The following PCSK5 variants were observed in gnomAD, a reference collection of about 807,000 sequenced individuals.
PCSK5 encodes proprotein convertase subtilisin/kexin type 5, also known as prohormone convertase 5.
Under a neutral mutation model 233.2 loss-of-function variants are expected in PCSK5, and 129 were observed. The ratio of observed to expected loss-of-function variants is 0.55; its 90% CI spans 0.48 to 0.64. PCSK5 has a LOEUF of 0.64. PCSK5 is among the 30% of genes least tolerant of loss of function. PCSK5 has a pLI of 0.00. For synonymous variants in PCSK5, 825 were observed against 879.2 expected, an observed-to-expected ratio of 0.94 and a Z score of 1.09; for missense variants, 2,076 against 2,430.1, an observed-to-expected ratio of 0.85 and a Z score of 3.06.
chr9:76,171,495 C>T (rs1293690402), intron 13 of PCSK5, among the ~76,000 whole-genome samples: 1 of 152,216 alleles, frequency 6.6e-6, no homozygotes, highest in African/African-American at 2.4e-5. Context: ...TACCACCAGA[C>T]ACCAGAAATT....
At chr9:76,276,581 C>A (rs765950207) in intron 24 of PCSK5, among the ~76,000 whole-genome samples, 1 of 152,148 alleles carries the variant, frequency 6.6e-6, no homozygotes, top group Non-Finnish European at 1.5e-5. Flanking sequence ...CTTTCCCTGG[C>A]CTCTGTCTGG....
chr9:76,239,118 T>G lies in PCSK5; in HGVS notation c.3026T>G (p.Phe1009Cys). 1 of 1,601,486 alleles carries G rather than the reference T, an allele frequency of 6.2e-7. No individual in the cohort carries two copies. The highest frequency in any genetic ancestry group is 1.1e-5 in the South Asian group (1 of 88,906). Reference sequence around the variant, plus strand: ...TGCACAAGATGCATGAAGGGCTACTTCATAGCGCCCACCAACCACACATGC... The same window carrying G: ...TGCACAAGATGCATGAAGGGCTACTGCATAGCGCCCACCAACCACACATGC... ...HVCTRCMKGY[F>C]IAPTNHTCQK... The change falls in exon 23 of 38, where the codon TTC becomes TGC. Residue 1009 changes from phenylalanine (F) to cysteine (C), a missense_variant. This residue lies in a region of PCSK5 where 1,510 missense variants were observed against 1,538.1 expected (regional missense o/e 0.98). Transcript: ENST00000674117.
chr9:76,318,510 T>G (rs1829096733), intron 30 of PCSK5, among the ~76,000 whole-genome samples: 1 of 152,032 alleles, frequency 6.6e-6, no homozygotes, highest in Non-Finnish European at 1.5e-5. Context: ...CATCTATCCA[T>G]CCCTCATCTC....
At chr9:76,121,260 C>T (rs1389710577) in intron 9 of PCSK5, among the ~76,000 whole-genome samples, 1 of 151,802 alleles carries the variant, frequency 6.6e-6, no homozygotes, top group African/African-American at 2.4e-5. Context: ...TATAGTTTCT[C>T]ATACTAGATT....
At chr9:76,304,537 A>G (rs969598323) in intron 28 of PCSK5, among the ~76,000 whole-genome samples, 2 of 152,150 alleles carry the variant, frequency 1.3e-5, no homozygotes, top group African/African-American at 4.8e-5. Context: ...CTGCGCCCCT[A>G]TGTTAAGCAC....
In PCSK5 at chr9:76,079,359, G is replaced by A. The variant is rs183972135; in HGVS notation, c.894+7461G>A. On this transcript the variant is annotated intron_variant, in intron 7 of 37. Coordinates refer to ENST00000674117, the MANE Select transcript of PCSK5 (RefSeq NM_001372043.1). ...TCACCATGTTGGCCGGGTTGGTCTCGAACTGCTGACCTCAGGTGATCTGCC... is the reference window on the plus strand; with the variant it reads ...TCACCATGTTGGCCGGGTTGGTCTCAAACTGCTGACCTCAGGTGATCTGCC... Among the ~76,000 whole-genome samples the A allele has an allele frequency of 8.8e-3, 1,344 of 152,008 alleles. 11 individuals carry two copies. Among genetic ancestry groups the A allele is most frequent in the South Asian group, 0.018 (88 of 4,800 alleles).
rs180833606 is a variant in PCSK5, at chr9:76,181,735, C to T, written c.2197+144C>T. The T allele has an allele frequency of 2.3e-4, 136 of 588,254 alleles. No individual in the cohort carries two copies. In the African/African-American group the frequency reaches 2.5e-3, roughly 11 times the overall value. The allele number at this position is 588,254 out of a possible 1,614,324, so 36.4% of individuals were successfully genotyped here. A position where few individuals can be genotyped will look rare whatever the true frequency, so the allele number is the denominator to read the frequency against. On this transcript the variant is annotated intron_variant, in intron 16 of 37. Coordinates refer to ENST00000674117, the MANE Select transcript of PCSK5 (RefSeq NM_001372043.1). The stretch of plus-strand genomic sequence containing the variant: ...CTAGTTCATTCATTTTAAGAGAACC[C>T]TTTAGAAGCTTCATGTAAAAATGCT...
chr9:76,009,632 A>AC (rs1827641417), intron 3 of PCSK5, among the ~76,000 whole-genome samples: 1 of 151,704 alleles, frequency 6.6e-6, no homozygotes, highest in Non-Finnish European at 1.5e-5. Flanking sequence ...TCTCAAGGAA[A>AC]AAAAAAAAAA....
intron 24 of PCSK5, chr9:76,286,869 A>C (rs1317563949): frequency 9.8e-6 from 2 of 204,224 alleles, no homozygotes; most frequent in Non-Finnish European, 1.9e-5. Flanking sequence ...CCCATTTTAC[A>C]CTTAGTCTGC....
intron 4 of PCSK5, among the ~76,000 whole-genome samples, chr9:76,026,310 T>C (rs1429225008): frequency 6.6e-6 from 1 of 152,192 alleles, no homozygotes; most frequent in Non-Finnish European, 1.5e-5. Flanking sequence ...AGGAAAACTG[T>C]TCATTATTTT....
chr9:76,062,260 T>A (rs538419342), intron 5 of PCSK5, among the ~76,000 whole-genome samples: 1 of 151,380 alleles, frequency 6.6e-6, no homozygotes, highest in East Asian at 1.9e-4. Context: ...AAAAAAAAAA[T>A]GAAATTGTGT....
intron 20 of PCSK5, among the ~76,000 whole-genome samples, chr9:76,215,529 A>G (rs143886173): frequency 3.7e-4 from 56 of 152,302 alleles, no homozygotes; most frequent in African/African-American, 1.3e-3. Flanking sequence ...AGATGCTGCT[A>G]AAGAGGCCAC....
intron 8 of PCSK5, among the ~76,000 whole-genome samples, chr9:76,105,049 A>G (rs1302010110): frequency 6.6e-6 from 1 of 152,210 alleles, no homozygotes; most frequent in African/African-American, 2.4e-5. Flanking sequence ...ACCGATTTGA[A>G]AGAACTGAAA....
chr9:76,212,016 C>A (rs1039034), intron 20 of PCSK5, among the ~76,000 whole-genome samples: 42,895 of 152,016 alleles, frequency 0.28, 6,042 homozygotes, highest in South Asian at 0.31. Context: ...GATTAAATAG[C>A]AGCTACGCTT....
chr9:76,020,003 A>G (rs1237998300), intron 3 of PCSK5, among the ~76,000 whole-genome samples: 3 of 152,330 alleles, frequency 2.0e-5, no homozygotes, highest in Non-Finnish European at 4.4e-5. Context: ...CTGTGCACGT[A>G]TGTGGTTTTC....
intron 10 of PCSK5, among the ~76,000 whole-genome samples, chr9:76,147,692 T>C (rs1823496160): frequency 6.6e-6 from 1 of 152,184 alleles, no homozygotes; most frequent in Non-Finnish European, 1.5e-5. Context: ...TTATCTTCTC[T>C]CCTGTGCATC....
intron 9 of PCSK5, among the ~76,000 whole-genome samples, chr9:76,132,883 T>TA (rs1363593265): frequency 6.6e-6 from 1 of 151,886 alleles, no homozygotes; most frequent in Non-Finnish European, 1.5e-5. Context: ...CTGACCACCC[T>TA]AAAAAACATA....
At chr9:75,924,066 A>G (rs1190241728) in intron 1 of PCSK5, among the ~76,000 whole-genome samples, 2 of 152,206 alleles carry the variant, frequency 1.3e-5, no homozygotes, top group Non-Finnish European at 2.9e-5. Flanking sequence ...CTCTTTTGCC[A>G]TAAAGGTAAC....
At chr9:76,295,520 G>A (rs1828412626) in intron 26 of PCSK5, 109 bp downstream of exon 26, 2 of 925,246 alleles carry the variant, frequency 2.2e-6, no homozygotes, top group Non-Finnish European at 3.3e-6. Context: ...GTGCGTGTGG[G>A]CACCTCTGGC....
Sources: gnomAD v4.1 joint callset for allele counts (sites outside exome capture counted in the v4.1 genomes callset) on GRCh38, gnomAD v4.1.1 for gene constraint, gnomAD v4.1.1 regional missense constraint, MANE v1.5 for transcripts, NCBI Gene and HGNC (gene_info 2026-07-23, HGNC 2026-07-21) for gene names.